Variants in PLCG2 observed in about 807,000 individuals in gnomAD.
PLCG2 encodes the protein 1-phosphatidylinositol 4,5-bisphosphate phosphodiesterase gamma-2.
In PLCG2, 69 loss-of-function variants were observed where a neutral mutation model predicts 175.6. The ratio of observed to expected loss-of-function variants is 0.39; its 90% confidence interval spans 0.32 to 0.48. The LOEUF (loss-of-function observed/expected upper bound fraction) is 0.48. Among genes scored for constraint, PLCG2 ranks in the 20% least tolerant of loss-of-function variants. The pLI, the probability that PLCG2 is intolerant of heterozygous loss-of-function variation, is 0.91. For missense variants in PLCG2, 1,798 were observed against 1,650.9 expected (o/e 1.09, Z -1.54); for synonymous variants, 827 against 624.0 (o/e 1.33, Z -4.85).
intron 9 of PLCG2, among the ~76,000 whole-genome samples, chr16:81,884,396 A>AT (rs1044674176): frequency 6.6e-6 from 1 of 152,098 alleles, no homozygotes; most frequent in Non-Finnish European, 1.5e-5. Flanking sequence ...AAAAAAAAAA[A>AT]GTCAAAGAAG....
At chr16:81,771,008 A>T (rs1910267488) in intron 2 of PLCG2, among the ~76,000 whole-genome samples, 1 of 151,414 alleles carries the variant, frequency 6.6e-6, no homozygotes, top group Non-Finnish European at 1.5e-5. Flanking sequence ...CCGTGAGCCG[A>T]GATTATGCCC....
intron 1 of PLCG2, among the ~76,000 whole-genome samples, chr16:81,743,506 T>C (rs7194456): frequency 0.14 from 20,802 of 152,156 alleles, 2,229 homozygotes; most frequent in African/African-American, 0.3. Context: ...GAGGGACATT[T>C]CCGGAGCCAG....
chr16:81,799,598 ATTTTTT>A (rs35033377), intron 2 of PLCG2, among the ~76,000 whole-genome samples: 2 of 134,652 alleles, frequency 1.5e-5, no homozygotes. Flanking sequence ...CCTGTTATTA[ATTTTTT>A]TTTTTTTTTT....
chr16:81,772,020 T>C (rs1910291893), intron 2 of PLCG2, among the ~76,000 whole-genome samples: 2 of 152,122 alleles, frequency 1.3e-5, no homozygotes, highest in African/African-American at 2.4e-5. Context: ...TGGCCTTAAG[T>C]GATCTGCCCA....
intron 2 of PLCG2, among the ~76,000 whole-genome samples, chr16:81,756,879 C>T (rs1157479645): frequency 1.3e-5 from 2 of 152,172 alleles, no homozygotes; most frequent in East Asian, 3.8e-4. Context: ...TTGAGAGCCC[C>T]ACAGCCTGGG....
At chr16:81,744,415 G>A (rs1430260094) in intron 1 of PLCG2, among the ~76,000 whole-genome samples, 1 of 152,004 alleles carries the variant, frequency 6.6e-6, no homozygotes, top group East Asian at 1.9e-4. Context: ...TGCCCGCCTT[G>A]CCCTCCCAAA....
chr16:81,784,377 C>A (rs77145154), intron 1 of PLCG2, among the ~76,000 whole-genome samples: 2 of 152,184 alleles, frequency 1.3e-5, no homozygotes, highest in African/African-American at 4.8e-5. Context: ...TCCCAGCTGC[C>A]CCTTGTGGGC....
At chr16:81,783,383 G>T (rs1910830981) in intron 1 of PLCG2, among the ~76,000 whole-genome samples, 1 of 152,168 alleles carries the variant, frequency 6.6e-6, no homozygotes, top group Admixed American at 6.5e-5. Flanking sequence ...ATATACACGT[G>T]CCATGTTGGT....
At chr16:81,801,606 A>G (rs1246836081) in intron 2 of PLCG2, among the ~76,000 whole-genome samples, 4 of 152,192 alleles carry the variant, frequency 2.6e-5, no homozygotes, top group Admixed American at 1.3e-4. Context: ...GTTTGAAATT[A>G]CTATAGGATT....
At chr16:81,914,848 A>G (rs905440527) in intron 19 of PLCG2, among the ~76,000 whole-genome samples, 1 of 152,164 alleles carries the variant, frequency 6.6e-6, no homozygotes, top group African/African-American at 2.4e-5. Flanking sequence ...ACCTCACCCC[A>G]TGGCCCACTG....
chr16:81,774,103 G>C (rs1211808236), intron 2 of PLCG2, among the ~76,000 whole-genome samples: 1 of 150,766 alleles, frequency 6.6e-6, no homozygotes. Flanking sequence ...AAGCTGAGGT[G>C]GGTGGACTGC....
rs1157731599 is a variant in PLCG2, at chr16:81,802,093, C to CTTTTTTTTTTTTTTTTTTTTTTTTTT, written c.193+15924_193+15949dup. Among the ~76,000 whole-genome samples, 8 of 40,012 alleles carry CTTTTTTTTTTTTTTTTTTTTTTTTTT rather than the reference C, an allele frequency of 2.0e-4. 3 individuals carry two copies. The highest frequency in any genetic ancestry group is 2.6e-4 in the Non-Finnish European group (6 of 22,664). The allele number at this position is 40,012 out of a possible 152,430, so 26.2% of individuals were successfully genotyped here. A position where few individuals can be genotyped will look rare whatever the true frequency, so the allele number is the denominator to read the frequency against. On this transcript the variant is annotated intron_variant, in intron 2 of 32. Transcript: ENST00000564138. ...GTTAGCTCCTTCAGGTGAGTACAGT[C>CTTTTTTTTTTTTTTTTTTTTTTTTTT]TTTTTTTTTTTTTTTTTTTTTTTTT...
chr16:81,763,300 T>C (rs925256243), intron 2 of PLCG2, among the ~76,000 whole-genome samples: 1 of 152,234 alleles, frequency 6.6e-6, no homozygotes, highest in Non-Finnish European at 1.5e-5. Flanking sequence ...GCATAACAGA[T>C]GACTCCAAAA....
chr16:81,909,962 G>T (rs1454527073), intron 17 of PLCG2, among the ~76,000 whole-genome samples: 3 of 138,082 alleles, frequency 2.2e-5, no homozygotes, highest in African/African-American at 8.0e-5. Flanking sequence ...TTGAATCCAG[G>T]CATCCTGGCT....
intron 10 of PLCG2, among the ~76,000 whole-genome samples, chr16:81,891,243 A>C (rs1194389811): frequency 6.6e-6 from 1 of 152,198 alleles, no homozygotes; most frequent in Non-Finnish European, 1.5e-5. Flanking sequence ...TTTAGGATAA[A>C]CATTACAAAG....
chr16:81,789,094 C>G lies in PLCG2; in HGVS notation c.193+2912C>G, dbSNP rs191014103. ...TACACCTGTGTAACAAACCTGCATG[C>G]TCTTCACATGTATCCCGGAACTTAA... On this transcript the variant is annotated intron_variant, in intron 2 of 32. Coordinates refer to ENST00000564138, the MANE Select transcript of PLCG2 (RefSeq NM_002661.5). Among the ~76,000 whole-genome samples, 18 of 152,266 alleles carry G rather than the reference C, an allele frequency of 1.2e-4. 2 individuals carry two copies. The highest frequency in any genetic ancestry group is 7.8e-4 in the Admixed American group (12 of 15,290).
intron 2 of PLCG2, among the ~76,000 whole-genome samples, chr16:81,823,053 G>A (rs1320791442): frequency 6.6e-6 from 1 of 152,272 alleles, no homozygotes; most frequent in Non-Finnish European, 1.5e-5. Flanking sequence ...CACTGAGTTT[G>A]CAGTAATTGG....
chr16:81,805,753 T>C (rs888958716), intron 2 of PLCG2, among the ~76,000 whole-genome samples: 4 of 137,996 alleles, frequency 2.9e-5, no homozygotes, highest in Non-Finnish European at 4.6e-5. Context: ...GCCATGAGAG[T>C]AGTGTTTTGT....
chr16:81,886,952 T>C (rs1273333351), intron 9 of PLCG2, among the ~76,000 whole-genome samples: 2 of 152,184 alleles, frequency 1.3e-5, no homozygotes, highest in East Asian at 3.8e-4. Flanking sequence ...CCTAGAATAT[T>C]GACATTTCAG....
Sources: allele counts gnomAD v4.1 joint callset (sites outside exome capture counted in the v4.1 genomes callset), GRCh38; gene constraint gnomAD v4.1.1; transcripts MANE v1.5; gene names NCBI Gene and HGNC (gene_info 2026-07-23, HGNC 2026-07-21).